Variants in SNX24 observed in about 807,000 individuals in gnomAD.
The protein encoded by SNX24 is sorting nexin 24, also known as sorting nexin-24.
A neutral mutation model predicts 28.7 loss-of-function variants in SNX24; 22 were observed. The observed-to-expected ratio is 0.77, with a 90% CI of 0.55 to 1.10. The LOEUF (loss-of-function observed/expected upper bound fraction) is 1.10, where lower values mean the gene tolerates loss of function less well. Among genes scored for constraint, SNX24 ranks in the 50% least tolerant of loss-of-function variants. The probability of loss-of-function intolerance (pLI) is 0.00; values close to 1 mark genes in which losing one functional copy is unlikely to be tolerated. For missense variants in SNX24, 221 were observed against 201.1 expected, an observed-to-expected ratio of 1.10 and a Z score of -0.60; for synonymous variants, 69 against 71.5, an observed-to-expected ratio of 0.96 and a Z score of 0.18.
intron 1 of SNX24, among the ~76,000 whole-genome samples, chr5:122,852,600 C>G (rs1581667295): frequency 1.3e-5 from 2 of 152,298 alleles, no homozygotes; most frequent in Admixed American, 6.5e-5. Context: ...ACCTCAGCCT[C>G]TGAAAGTGCT....
At chr5:122,867,368 A>G (rs558604776) in intron 1 of SNX24, among the ~76,000 whole-genome samples, 1 of 152,342 alleles carries the variant, frequency 6.6e-6, no homozygotes, top group Admixed American at 6.5e-5. Context: ...CTGTATCCAG[A>G]GTAAATGTGT....
chr5:122,903,041 T>C (rs955864923), intron 1 of SNX24, among the ~76,000 whole-genome samples: 12 of 152,156 alleles, frequency 7.9e-5, no homozygotes, highest in Admixed American at 3.3e-4. Context: ...CTCAGAAACA[T>C]GCATTTCTGT....
intron 1 of SNX24, among the ~76,000 whole-genome samples, chr5:122,921,093 A>G (rs1318796661): frequency 1.3e-5 from 2 of 152,004 alleles, no homozygotes; most frequent in Non-Finnish European, 2.9e-5. Flanking sequence ...ACGCACACAT[A>G]CATCACTATT....
At chr5:123,011,643 G>A (rs759615786), downstream of SNX24, among the ~76,000 whole-genome samples, 1 of 152,248 alleles carries the variant, frequency 6.6e-6, no homozygotes, top group Non-Finnish European at 1.5e-5. Flanking sequence ...ACACCTGTGA[G>A]GATGGCTACT....
At chr5:122,903,755 G>T (rs1276084723) in intron 1 of SNX24, among the ~76,000 whole-genome samples, 1 of 152,126 alleles carries the variant, frequency 6.6e-6, no homozygotes, top group East Asian at 1.9e-4. Context: ...CATAATTACT[G>T]CATGAATCTG....
chr5:122,992,958 G>A (rs888905925), intron 3 of SNX24, among the ~76,000 whole-genome samples: 3 of 142,252 alleles, frequency 2.1e-5, no homozygotes, highest in Non-Finnish European at 4.7e-5. Context: ...TATCAGAAAT[G>A]TATTCCTTTT....
At chr5:122,982,761 A>G (rs1211642907) in intron 3 of SNX24, among the ~76,000 whole-genome samples, 3 of 152,208 alleles carry the variant, frequency 2.0e-5, no homozygotes, top group Non-Finnish European at 4.4e-5. Context: ...CAAAGAATTT[A>G]CTTTGCTTTC....
chr5:122,958,757 G>A (rs28821833), intron 3 of SNX24, among the ~76,000 whole-genome samples: 54,458 of 150,374 alleles, frequency 0.36, 10,468 homozygotes, highest in African/African-American at 0.47. Context: ...ACGGGGTCTT[G>A]CTATGTTGCC....
At chr5:122,857,923 C>G (rs1443922929) in intron 1 of SNX24, among the ~76,000 whole-genome samples, 1 of 152,132 alleles carries the variant, frequency 6.6e-6, no homozygotes, top group South Asian at 2.1e-4. Context: ...GCTGGGATTA[C>G]AGGCACGTGC....
At chr5:122,963,824 C>A (rs1760587399) in intron 3 of SNX24, among the ~76,000 whole-genome samples, 1 of 152,162 alleles carries the variant, frequency 6.6e-6, no homozygotes, top group South Asian at 2.1e-4. Context: ...TCTCTCCTTG[C>A]AGGTTAATAT....
chr5:123,009,095 C>G lies in SNX24; in HGVS notation c.*1346C>G. ...ACTACATGTGGGAAACAAGCAAGAA[C>G]TAAATAATCAAATGTTGTCAACCAA... On this transcript the variant is annotated 3_prime_UTR_variant, in exon 7 of 7. Transcript: ENST00000261369. The G allele has an allele frequency of 1.0e-6, 1 of 985,552 alleles. No individual in the cohort carries two copies. Among genetic ancestry groups the G allele is most frequent in the Non-Finnish European group, 1.2e-6 (1 of 829,702 alleles). 61.1% of individuals were successfully genotyped at this position (985,552 alleles called of 1,614,324 possible).
chr5:122,865,997 A>G (rs554688213), intron 1 of SNX24, among the ~76,000 whole-genome samples: 11 of 152,344 alleles, frequency 7.2e-5, no homozygotes, highest in African/African-American at 2.6e-4. Context: ...AATACATCAT[A>G]TGCTACATGA....
intron 1 of SNX24, among the ~76,000 whole-genome samples, chr5:122,901,615 A>C (rs1051990039): frequency 6.6e-6 from 1 of 152,076 alleles, no homozygotes; most frequent in Non-Finnish European, 1.5e-5. Context: ...GCTCCCATTG[A>C]AGGTTTACTT....
chr5:122,953,050 ATTTC>A lies in SNX24; in HGVS notation c.249+6906_249+6909del, dbSNP rs747289943. 9.7e-4 allele frequency among the ~76,000 whole-genome samples: 57 copies of A among 58,668 alleles called. 1 individual carries two copies. The highest frequency in any genetic ancestry group is 1.4e-3 in the Non-Finnish European group (46 of 31,994). The allele number at this position is 58,668 out of a possible 152,430, so 38.5% of individuals were successfully genotyped here. On this transcript the variant is annotated intron_variant, in intron 3 of 6. Transcript: ENST00000261369. ...TTCCTCAGGTTACACAATATAAGCG[ATTTC>A]TTTCTTTCTTTCTTCCTTTCTTCCT...
At chr5:122,879,445 G>T (rs1396313874) in intron 1 of SNX24, among the ~76,000 whole-genome samples, 1 of 152,156 alleles carries the variant, frequency 6.6e-6, no homozygotes, top group Non-Finnish European at 1.5e-5. Flanking sequence ...CCAGGCTCTT[G>T]GTTTCAGCTC....
At chr5:122,980,503 T>A (rs1220567171) in intron 3 of SNX24, among the ~76,000 whole-genome samples, 1 of 152,094 alleles carries the variant, frequency 6.6e-6, no homozygotes, top group East Asian at 1.9e-4. Context: ...TGAAATTTAA[T>A]TTACTTTCTT....
At chr5:123,011,289 G>A (rs1227260198), downstream of SNX24, among the ~76,000 whole-genome samples, 1 of 152,158 alleles carries the variant, frequency 6.6e-6, no homozygotes, top group African/African-American at 2.4e-5. Flanking sequence ...TTGGTGTTTT[G>A]CCTGGACTGT....
rs1397119566 is a variant in SNX24, at chr5:123,008,074, G to T, written c.*325G>T. ...CAAAACAAAGCCACTCTCTGCTTCA[G>T]TCGCACCATTTGCTAATTGAAAATC... is the stretch of plus-strand genomic sequence containing the variant. On this transcript the variant is annotated 3_prime_UTR_variant, in exon 7 of 7. Coordinates refer to ENST00000261369, the MANE Select transcript of SNX24 (RefSeq NM_014035.4). 5 of 1,054,304 alleles carry T rather than the reference G, an allele frequency of 4.7e-6. No homozygotes were observed. In the African/African-American group the frequency reaches 5.1e-5, roughly 11 times the overall value. 65.3% of individuals were successfully genotyped at this position (1,054,304 alleles called of 1,614,324 possible).
intron 1 of SNX24, among the ~76,000 whole-genome samples, chr5:122,862,838 A>G (rs1315872219): frequency 1.3e-5 from 2 of 152,166 alleles, no homozygotes; most frequent in South Asian, 2.1e-4. Flanking sequence ...GGCAGTATAT[A>G]TTAGATAAGA....
Sources: allele counts gnomAD v4.1 joint callset (sites outside exome capture counted in the v4.1 genomes callset), GRCh38; gene constraint gnomAD v4.1.1; transcripts MANE v1.5; gene names NCBI Gene and HGNC (gene_info 2026-07-23, HGNC 2026-07-21).